Variants in HIPK2 observed in about 807,000 individuals in gnomAD.
HIPK2 encodes homeodomain interacting protein kinase 2.
Under a neutral mutation model 113.7 loss-of-function variants are expected in HIPK2, and 27 were observed. The ratio of observed to expected loss-of-function variants is 0.24; its 90% CI spans 0.17 to 0.33. HIPK2 has a LOEUF of 0.33. Ranked by LOEUF, HIPK2 falls within the 10% of genes least tolerant of loss-of-function variation. HIPK2 has a pLI of 1.00. For missense variants in HIPK2, 1,257 were observed against 1,588.0 expected (o/e 0.79, Z 3.54); for synonymous variants, 631 against 642.2 (o/e 0.98, Z 0.26).
chr7:139,771,597 G>C (rs1249289504), intron 1 of HIPK2, among the ~76,000 whole-genome samples: 1 of 152,112 alleles, frequency 6.6e-6, no homozygotes, highest in Non-Finnish European at 1.5e-5. Flanking sequence ...GCTATTGTAG[G>C]GGACAAAGAT....
chr7:139,678,105 A>G (rs946180957), intron 2 of HIPK2, among the ~76,000 whole-genome samples: 4 of 152,042 alleles, frequency 2.6e-5, no homozygotes, highest in Admixed American at 2.6e-4. Context: ...AGTTCTTTGT[A>G]GATTCTGGAT....
In HIPK2 at chr7:139,631,921, C is replaced by T. The variant is rs546444247; in HGVS notation, c.1104-196G>A. On this transcript the variant is annotated intron_variant, in intron 2 of 14. Coordinates refer to ENST00000406875, the MANE Select transcript of HIPK2 (RefSeq NM_022740.5). This position sits in a 1 kb window ranked among gnomAD's most constrained non-coding sequence, Gnocchi z 4.9. Reference sequence around the variant, plus strand: ...GTCCCCTCCATTAGTGGAGGGCCCACTTGGAAGGTTGGCTGAGATGAAGGA... The same window carrying T: ...GTCCCCTCCATTAGTGGAGGGCCCATTTGGAAGGTTGGCTGAGATGAAGGA... The T allele has an allele frequency of 1.7e-5, 4 of 229,604 alleles. No individual in the cohort carries two copies. The South Asian group carries it at 6.3e-4, about 36-fold the overall frequency. The allele number at this position is 229,604 out of a possible 1,614,324, so 14.2% of individuals were successfully genotyped here. A position where few individuals can be genotyped will look rare whatever the true frequency, so the allele number is the denominator to read the frequency against.
rs533211108 is a variant in HIPK2, at chr7:139,653,764, G to A, written c.1104-22039C>T. On this transcript the variant is annotated intron_variant, in intron 2 of 14. Transcript: ENST00000406875. ...TGTTTTTTTTTTGAGATGGAGTCTC[G>A]CTCTGTCGCCCAGGCTGGAGTGCAG... is the stretch of plus-strand genomic sequence containing the variant. Among the ~76,000 whole-genome samples, 42 of 151,250 alleles carry A rather than the reference G, an allele frequency of 2.8e-4. 1 individual carries two copies. The highest frequency in any genetic ancestry group is 1.0e-3 in the African/African-American group (42 of 41,134).
intron 13 of HIPK2, among the ~76,000 whole-genome samples, chr7:139,577,298 G>A (rs768070193): frequency 2.6e-5 from 4 of 151,800 alleles, no homozygotes; most frequent in African/African-American, 9.7e-5. Flanking sequence ...ACAGGCACCC[G>A]GCACCACGCC....
At chr7:139,643,541 G>C (rs1182059299) in intron 2 of HIPK2, among the ~76,000 whole-genome samples, 1 of 152,114 alleles carries the variant, frequency 6.6e-6, no homozygotes, top group Non-Finnish European at 1.5e-5. Flanking sequence ...ATCTCCAAAG[G>C]CTTCTGGTGA....
intron 5 of HIPK2, among the ~76,000 whole-genome samples, chr7:139,628,443 G>GT (rs567468699): frequency 6.6e-6 from 1 of 152,084 alleles, no homozygotes; most frequent in Non-Finnish European, 1.5e-5. Context: ...TGGAATGATT[G>GT]TTTTTTTGTT....
chr7:139,670,942 G>T (rs2116636064), intron 2 of HIPK2, among the ~76,000 whole-genome samples: 1 of 151,772 alleles, frequency 6.6e-6, no homozygotes, highest in African/African-American at 2.4e-5. Flanking sequence ...TGTATTTTTG[G>T]TAGAGACAGG....
intron 2 of HIPK2, among the ~76,000 whole-genome samples, chr7:139,711,935 C>T (rs1383753225): frequency 6.6e-6 from 1 of 152,140 alleles, no homozygotes; most frequent in Non-Finnish European, 1.5e-5. Context: ...AATAGTGTTT[C>T]TCAAAGACTG....
At chr7:139,584,165 A>G in intron 12 of HIPK2, 101 bp from the exon 13 acceptor site, 1 of 1,470,876 alleles carries the variant, frequency 6.8e-7, no homozygotes, top group Non-Finnish European at 9.1e-7. Context: ...GGCAGAGGGG[A>G]GAGGGCAGGA....
At chr7:139,593,345 C>G (rs61570703) in intron 12 of HIPK2, among the ~76,000 whole-genome samples, 38,167 of 152,104 alleles carry the variant, frequency 0.25, 6,838 homozygotes, top group African/African-American at 0.51. Flanking sequence ...ACACCCAGTG[C>G]ATGTTTGCTA....
chr7:139,702,446 C>G (rs1794738239), intron 2 of HIPK2, among the ~76,000 whole-genome samples: 1 of 152,238 alleles, frequency 6.6e-6, no homozygotes, highest in Non-Finnish European at 1.5e-5. Flanking sequence ...CCACTCCAGG[C>G]ACAGGGACCC....
chr7:139,687,173 A>G (rs1463791045), intron 2 of HIPK2, among the ~76,000 whole-genome samples: 1 of 152,232 alleles, frequency 6.6e-6, no homozygotes, highest in Non-Finnish European at 1.5e-5. Context: ...ACTCATCACT[A>G]CAAGCAATTC....
At chr7:139,663,191 G>C (rs551299906) in intron 2 of HIPK2, among the ~76,000 whole-genome samples, 31 of 152,154 alleles carry the variant, frequency 2.0e-4, no homozygotes, top group Non-Finnish European at 3.8e-4. Context: ...CCTCCACCAT[G>C]AAGCTTCTCC....
intron 6 of HIPK2, among the ~76,000 whole-genome samples, chr7:139,624,267 C>T (rs1056710854): frequency 3.3e-5 from 5 of 152,176 alleles, no homozygotes; most frequent in African/African-American, 1.2e-4. Flanking sequence ...AGCTGATCCG[C>T]CCTCCTTGGC....
chr7:139,615,585 T>C (rs1019529821), intron 7 of HIPK2, among the ~76,000 whole-genome samples: 11 of 152,238 alleles, frequency 7.2e-5, no homozygotes, highest in African/African-American at 2.7e-4. Context: ...TTTAGCAAGA[T>C]AGGTGGTTAC....
At chr7:139,589,526 T>C (rs1463889173) in intron 12 of HIPK2, among the ~76,000 whole-genome samples, 1 of 152,182 alleles carries the variant, frequency 6.6e-6, no homozygotes, top group South Asian at 2.1e-4. Context: ...GTGGAAATTG[T>C]GGAGAAGCTT....
intron 1 of HIPK2, among the ~76,000 whole-genome samples, chr7:139,730,701 C>T (rs887669039): frequency 1.4e-4 from 21 of 151,620 alleles, no homozygotes; most frequent in African/African-American, 5.1e-4. Context: ...GATTCTATTA[C>T]TATGTGTCCT....
At chr7:139,768,905 C>T (rs1351447230) in intron 1 of HIPK2, among the ~76,000 whole-genome samples, 2 of 152,204 alleles carry the variant, frequency 1.3e-5, no homozygotes, top group East Asian at 3.8e-4. Context: ...TCCCCCAGCA[C>T]ACATAACATT....
intron 2 of HIPK2, among the ~76,000 whole-genome samples, chr7:139,667,695 A>C (rs1444428327): frequency 6.6e-6 from 1 of 152,216 alleles, no homozygotes; most frequent in African/African-American, 2.4e-5. Context: ...TCGGGAAAAT[A>C]TTTGTACATT....
Sources: allele counts gnomAD v4.1 joint callset (sites outside exome capture counted in the v4.1 genomes callset), GRCh38; gene constraint gnomAD v4.1.1; non-coding constraint Gnocchi (gnomAD v3.1); transcripts MANE v1.5; gene names NCBI Gene and HGNC (gene_info 2026-07-23, HGNC 2026-07-21).